Variants in MARCO observed in about 807,000 individuals in gnomAD.
MARCO encodes the protein macrophage receptor with collagenous structure.
A neutral mutation model predicts 70.0 loss-of-function variants in MARCO; 72 were observed. The ratio of observed to expected loss-of-function variants is 1.03; its 90% CI spans 0.85 to 1.25. The LOEUF is 1.25. Ranked by LOEUF, MARCO falls within the 50% of genes most tolerant of loss-of-function variation. The pLI is 0.00. For missense variants in MARCO, 696 were observed against 659.3 expected (o/e 1.06, Z -0.61); for synonymous variants, 273 against 243.1 (o/e 1.12, Z -1.14).
At chr2:118,981,769 C>T (rs1051026788) in intron 10 of MARCO, 113 bp downstream of exon 10, 2 of 1,135,978 alleles carry the variant, frequency 1.8e-6, no homozygotes, top group Non-Finnish European at 2.6e-6. Context: ...ACCCAGAACA[C>T]CTGGGGTTTT....
chr2:118,981,442 C>G lies in MARCO; in HGVS notation c.800C>G (p.Ala267Gly), dbSNP rs750358722. 3 of 1,599,066 alleles carry G rather than the reference C, an allele frequency of 1.9e-6. No individual in the cohort carries two copies. Among genetic ancestry groups the G allele is most frequent in the Non-Finnish European group, 2.5e-6 (3 of 1,176,738 alleles). The change falls in exon 9 of 17, where the codon GCA becomes GGA. Residue 267 changes from alanine to glycine, a missense_variant. Coordinates refer to ENST00000327097, the MANE Select transcript of MARCO (RefSeq NM_006770.4). ...GGGGACAGGGGCATGAAAGGAGATGCAGGGGTCATGGGGCCTCCTGGAGCC... is the reference window on the plus strand; with the variant it reads ...GGGGACAGGGGCATGAAAGGAGATGGAGGGGTCATGGGGCCTCCTGGAGCC... ...SKGDRGMKGDAGVMGPPGAQG... is the reference protein window; with the variant it reads ...SKGDRGMKGDGGVMGPPGAQG...
rs115254746 is a variant in MARCO at position 118,970,526 on chromosome 2, G to T, written c.424+188G>T. 6.1e-3 allele frequency among the ~76,000 whole-genome samples: 923 copies of T among 152,274 alleles called. 14 individuals carry two copies. Among genetic ancestry groups the T allele is most frequent in the African/African-American group, 0.021 (852 of 41,558 alleles). ...CACATGGATCCAGAATGTCTGGGAG[G>T]GAGGGTAAAACACAGAGCCTGGGGC... On this transcript the variant is annotated intron_variant, in intron 3 of 16. Coordinates refer to ENST00000327097, the MANE Select transcript of MARCO (RefSeq NM_006770.4).
chr2:118,991,033 T>C (rs1452589689), intron 13 of MARCO, among the ~76,000 whole-genome samples: 2 of 152,124 alleles, frequency 1.3e-5, no homozygotes, highest in East Asian at 3.9e-4. Flanking sequence ...GCCCCCAAGC[T>C]TCTCCTCTCT....
chr2:118,982,292 T>G (rs1452437974), intron 11 of MARCO, 38 bp downstream of exon 11: 3 of 1,611,906 alleles, frequency 1.9e-6, no homozygotes, highest in Non-Finnish European at 2.5e-6. Context: ...CAGGGAGTGA[T>G]GTGTGAAAAC....
At position 118,974,388 on chromosome 2, in the gene MARCO, A is replaced by G. The variant is rs1339786863; in HGVS notation, c.516A>G (p.Gly172=). 1 of 1,612,012 alleles carries G rather than the reference A, an allele frequency of 6.2e-7. No individual in the cohort carries two copies. Among genetic ancestry groups the G allele is most frequent in the African/African-American group, 1.3e-5 (1 of 74,878 alleles). The change falls in exon 5 of 17, where the codon GGA becomes GGG. Residue 172 remains glycine, a synonymous_variant. Coordinates refer to ENST00000327097, the MANE Select transcript of MARCO (RefSeq NM_006770.4). The stretch of plus-strand genomic sequence containing the variant: ...TGCCTGGTGCCCCTGGCCCGCCGGG[A>G]CCACCTGCTGAGAAGGGAGCCAAGG... ...MGMPGAPGPP[G]PPAEKGAKGA...
chr2:118,957,601 C>A (rs572690920), intron 1 of MARCO, among the ~76,000 whole-genome samples: 1 of 152,048 alleles, frequency 6.6e-6, no homozygotes. Flanking sequence ...AGGTACCAAT[C>A]CTTTTGACAC....
chr2:118,977,415 G>A (rs1680304300), intron 6 of MARCO, 56 bp from the exon 7 acceptor site: 4 of 1,394,556 alleles, frequency 2.9e-6, no homozygotes, highest in Non-Finnish European at 3.1e-6. Context: ...GCTGATTAAA[G>A]ACATTTTAGA....
At chr2:118,973,789 G>C (rs558423335) in intron 4 of MARCO, among the ~76,000 whole-genome samples, 1 of 152,166 alleles carries the variant, frequency 6.6e-6, no homozygotes, top group Non-Finnish European at 1.5e-5. Context: ...AGGGGATTGC[G>C]AAACCCACTT....
intron 1 of MARCO, among the ~76,000 whole-genome samples, chr2:118,949,068 G>A (rs1679665753): frequency 6.6e-6 from 1 of 152,214 alleles, no homozygotes; most frequent in South Asian, 2.1e-4. Flanking sequence ...GATATATGAG[G>A]TAAAATTGGT....
At chr2:118,993,067 T>C in intron 15 of MARCO, 57 bp from the exon 16 acceptor site, 2 of 1,507,700 alleles carry the variant, frequency 1.3e-6, no homozygotes, top group Non-Finnish European at 1.8e-6. Context: ...GAGCCCGCAC[T>C]TACCCAAAGC....
In MARCO at chr2:118,971,645, C is replaced by T. The variant is rs143636218; in HGVS notation, c.460+111C>T. 716 of 1,038,260 alleles carry T rather than the reference C, an allele frequency of 6.9e-4. 18 individuals carry two copies. The East Asian group carries it at 0.013, about 19-fold the overall frequency. The allele number at this position is 1,038,260 out of a possible 1,614,324, so 64.3% of individuals were successfully genotyped here. Reference sequence around the variant, plus strand: ...GGACAGCTGACCCTAGCTTACCTTCCCCTGTCTCCACAGCCTCCTTTGTCT... The same window carrying T: ...GGACAGCTGACCCTAGCTTACCTTCTCCTGTCTCCACAGCCTCCTTTGTCT... On this transcript the variant is annotated intron_variant, in intron 4 of 16. Coordinates refer to ENST00000327097, the MANE Select transcript of MARCO (RefSeq NM_006770.4).
chr2:118,975,947 G>T (rs938253891), intron 6 of MARCO, among the ~76,000 whole-genome samples: 3 of 152,176 alleles, frequency 2.0e-5, no homozygotes, highest in African/African-American at 7.2e-5. Context: ...AGCCTGTGGG[G>T]GCTTGAGCAG....
chr2:118,960,793 GGTAAAT>G (rs1203028759), intron 1 of MARCO, among the ~76,000 whole-genome samples: 1 of 151,998 alleles, frequency 6.6e-6, no homozygotes, highest in Non-Finnish European at 1.5e-5. Flanking sequence ...TTGTTACACA[GGTAAAT>G]GTATGCCATG....
At chr2:118,970,029 GA>G in intron 2 of MARCO, 84 bp from the exon 3 acceptor site, 1 of 1,170,026 alleles carries the variant, frequency 8.5e-7, no homozygotes, top group Non-Finnish European at 1.3e-6. Flanking sequence ...AGGGCCTGTA[GA>G]AGTTATGCAC....
At chr2:118,992,964 T>C (rs1351554785) in intron 15 of MARCO, 160 bp from the exon 16 acceptor site, 2 of 668,574 alleles carry the variant, frequency 3.0e-6, no homozygotes, top group African/African-American at 3.6e-5. Flanking sequence ...CCAGGTTGGG[T>C]TGGCACTGTA....
chr2:118,971,553 A>G lies in MARCO; in HGVS notation c.460+19A>G, dbSNP rs1445993574. On this transcript the variant is annotated intron_variant, in intron 4 of 16. Transcript: ENST00000327097. ...GCCCCAGGTAGGTTCATTTCCACTCACACCCACCCTGCTCTTTCCCCAAAA... is the reference window on the plus strand; with the variant it reads ...GCCCCAGGTAGGTTCATTTCCACTCGCACCCACCCTGCTCTTTCCCCAAAA... 2.5e-6 allele frequency: 4 copies of G among 1,612,730 alleles called. No individual in the cohort carries two copies. The highest frequency in any genetic ancestry group is 1.7e-5 in the Admixed American group (1 of 59,880).
At chr2:118,994,315 G>A (rs552895038) in intron 16 of MARCO, 72 bp from the exon 17 acceptor site, 25 of 1,556,878 alleles carry the variant, frequency 1.6e-5, no homozygotes, top group East Asian at 1.6e-4. Context: ...GCTCCCAGGC[G>A]CACACGTGGC....
At chr2:118,971,804 C>A (rs549178815) in intron 4 of MARCO, among the ~76,000 whole-genome samples, 2 of 152,346 alleles carry the variant, frequency 1.3e-5, no homozygotes, top group South Asian at 4.1e-4. Context: ...CAGGCCAGAC[C>A]AGGCATCATC....
At chr2:118,963,955 G>A (rs111289585) in intron 1 of MARCO, among the ~76,000 whole-genome samples, 1,551 of 151,816 alleles carry the variant, frequency 0.01, 21 homozygotes, top group African/African-American at 0.036. Context: ...GCCTTCCTGT[G>A]GATTATTTGA....
Sources: gnomAD v4.1 joint callset for allele counts (sites outside exome capture counted in the v4.1 genomes callset) on GRCh38, gnomAD v4.1.1 for gene constraint, MANE v1.5 for transcripts, NCBI Gene and HGNC (gene_info 2026-07-23, HGNC 2026-07-21) for gene names.